The following GARS1 variants were observed in gnomAD, a reference collection of about 807,000 sequenced individuals.
GARS1 encodes the protein glycyl-tRNA synthetase 1, also known as glycine--tRNA ligase.
GARS1 carries 46 observed loss-of-function variants against 86.4 expected under a neutral mutation model. That is an observed-to-expected ratio of 0.53 (90% confidence interval 0.42 to 0.68). The LOEUF is 0.68. Among genes scored for constraint, GARS1 ranks in the 30% least tolerant of loss-of-function variants. GARS1 has a pLI of 0.00. For missense variants in GARS1, 797 were observed against 915.6 expected, an observed-to-expected ratio of 0.87 and a Z score of 1.67; for synonymous variants, 342 against 329.8, an observed-to-expected ratio of 1.04 and a Z score of -0.40.
Position 30,622,462 on chromosome 7 carries a change from G to A in GARS1, c.1613G>A (p.Gly538Glu). 1 of 1,614,010 alleles carries A rather than the reference G, an allele frequency of 6.2e-7. No homozygotes were observed. Among genetic ancestry groups the A allele is most frequent in the Non-Finnish European group, 8.5e-7 (1 of 1,179,952 alleles). Residue 538 changes from glycine (G) to glutamate (E), a missense_variant and splice_region_variant, in exon 12 of 17, where the codon GGG becomes GAG. Physicochemically the swap from Gly to Glu is moderately conservative, Grantham distance 98. Transcript: ENST00000389266. ...ATGGAGATGCTGCTGAATGAGAAAGGGTAAGATATCAGATGTTTACTCTTC... is the reference window on the plus strand; with the variant it reads ...ATGGAGATGCTGCTGAATGAGAAAGAGTAAGATATCAGATGTTTACTCTTC... ...TEMEMLLNEKGEFTIETEGKT... is the reference protein window; with the variant it reads ...TEMEMLLNEKEEFTIETEGKT...
At chr7:30,607,957 T>C (rs896887015) in intron 6 of GARS1, among the ~76,000 whole-genome samples, 1 of 152,198 alleles carries the variant, frequency 6.6e-6, no homozygotes, top group Non-Finnish European at 1.5e-5. Flanking sequence ...TTTTCTCCAT[T>C]GTGGTTTTCT....
chr7:30,594,970 C>G lies in GARS1; in HGVS notation c.49C>G (p.Leu17Val). The G allele has an allele frequency of 6.3e-7, 1 of 1,594,988 alleles. No homozygotes were observed. The highest frequency in any genetic ancestry group is 8.5e-7 in the Non-Finnish European group (1 of 1,178,092). Residue 17 changes from leucine (L) to valine (V), a missense_variant, in exon 1 of 17, where the codon CTG (leucine) becomes GTG (valine). This residue lies in a region of GARS1 where 199 missense variants were observed against 176.9 expected (regional missense o/e 1.12). Coordinates refer to ENST00000389266, the MANE Select transcript of GARS1 (RefSeq NM_002047.4). ...VLLRGARAAL[L>V]LLLPPRLLAR... ...GCTTAGAGGTGCTCGCGCCGCTCTG[C>G]TGCTGCTGCTGCCGCCCCGGCTCTT...
intron 10 of GARS1, among the ~76,000 whole-genome samples, chr7:30,619,406 T>A (rs1026896819): frequency 3.9e-5 from 6 of 152,268 alleles, no homozygotes; most frequent in Non-Finnish European, 7.4e-5. Context: ...AATAAAAAAA[T>A]TTACCGTTGC....
chr7:30,616,965 A>G (rs1782900392), intron 9 of GARS1, 149 bp from the exon 10 acceptor site: 11 of 760,772 alleles, frequency 1.4e-5, no homozygotes, highest in Non-Finnish European at 2.3e-5. Context: ...GAGTATTTGA[A>G]ATTGTTTTGA....
intron 10 of GARS1, among the ~76,000 whole-genome samples, chr7:30,620,808 A>C (rs1703078176): frequency 6.6e-6 from 1 of 152,220 alleles, no homozygotes; most frequent in African/African-American, 2.4e-5. Flanking sequence ...TTAGTCAGCC[A>C]TCTGATATCA....
chr7:30,595,965 G>A (rs1453507917), intron 1 of GARS1: 2 of 467,208 alleles, frequency 4.3e-6, no homozygotes, highest in East Asian at 1.4e-4. Context: ...TGAAGGACTT[G>A]GTGATTTAAT....
chr7:30,627,082 A>G, intron 13 of GARS1: 1 of 466,590 alleles, frequency 2.1e-6, no homozygotes, highest in Non-Finnish European at 4.4e-6. Context: ...TTAGGCAATG[A>G]GTAATTTGGA....
At chr7:30,622,510 C>T (rs761315520) in intron 12 of GARS1, 48 bp downstream of exon 12, 13 of 1,605,384 alleles carry the variant, frequency 8.1e-6, no homozygotes, top group Non-Finnish European at 1.1e-5. Context: ...TCAGTTGTGT[C>T]ATCTGCCAGG....
chr7:30,631,241 C>G, intron 14 of GARS1: 1 of 465,236 alleles, frequency 2.1e-6, no homozygotes, highest in Non-Finnish European at 3.9e-6. Context: ...ATGACTTGGC[C>G]TAAATTCGGA....
At chr7:30,606,177 A>G (rs1295578419) in intron 6 of GARS1, among the ~76,000 whole-genome samples, 7 of 152,026 alleles carry the variant, frequency 4.6e-5, no homozygotes. Context: ...AAGTGGTGTT[A>G]TGGACTTCTG....
chr7:30,609,541 T>C (rs1422194493), intron 6 of GARS1, 44 bp from the exon 7 acceptor site: 3 of 1,546,902 alleles, frequency 1.9e-6, no homozygotes, highest in Non-Finnish European at 2.7e-6. Context: ...TCTTATGCCT[T>C]GTTTTCTCTG....
chr7:30,631,765 G>A (rs1392058323), intron 15 of GARS1, among the ~76,000 whole-genome samples: 1 of 152,214 alleles, frequency 6.6e-6, no homozygotes, highest in Non-Finnish European at 1.5e-5. Context: ...GGACCCAAGA[G>A]TCAGATTTAA....
intron 2 of GARS1, 80 bp from the exon 3 acceptor site, chr7:30,599,867 G>T (rs947978217): frequency 2.2e-6 from 2 of 896,572 alleles, no homozygotes; most frequent in Admixed American, 2.1e-5. Flanking sequence ...TTCTGGTGAG[G>T]AATAAACTAA....
intron 10 of GARS1, among the ~76,000 whole-genome samples, chr7:30,619,249 T>C (rs1690222196): frequency 6.6e-6 from 1 of 152,172 alleles, no homozygotes; most frequent in African/African-American, 2.4e-5. Flanking sequence ...TAAGTGCCAT[T>C]GTGAGGGTTA....
intron 4 of GARS1, among the ~76,000 whole-genome samples, chr7:30,602,380 AAG>A (rs1325336654): frequency 4.6e-5 from 7 of 152,176 alleles, no homozygotes; most frequent in African/African-American, 1.7e-4. Context: ...CCCGGCCTGA[AAG>A]AGGAATTCTT....
rs1210883425 is a variant in GARS1 at position 30,631,370 on chromosome 7, C to T, written c.1810-78C>T. 2.0e-5 allele frequency: 22 copies of T among 1,106,402 alleles called. 1 individual carries two copies. In the South Asian group the frequency reaches 2.5e-4, roughly 12 times the overall value. The allele number at this position is 1,106,402 out of a possible 1,614,324, so 68.5% of individuals were successfully genotyped here. On this transcript the variant is annotated intron_variant, in intron 14 of 16. Transcript: ENST00000389266. ...GCTTGAACACTTGCTGAATATTAAC[C>T]TCTTTTGGTTTGGGATATTAGCATT...
chr7:30,613,822 G>A (rs1782830807), intron 8 of GARS1, among the ~76,000 whole-genome samples: 1 of 152,198 alleles, frequency 6.6e-6, no homozygotes, highest in Non-Finnish European at 1.5e-5. Flanking sequence ...GTAGGACTAG[G>A]ATTGGTTTAT....
intron 3 of GARS1, among the ~76,000 whole-genome samples, 183 bp from the exon 4 acceptor site, chr7:30,600,876 T>A (rs986336172): frequency 6.6e-6 from 1 of 152,042 alleles, no homozygotes; most frequent in Admixed American, 6.5e-5. Context: ...GTAAATGGCG[T>A]AAGAGCTTTT....
chr7:30,603,670 C>A, intron 6 of GARS1, 98 bp downstream of exon 6: 1 of 869,090 alleles, frequency 1.2e-6, no homozygotes, highest in Non-Finnish European at 1.9e-6. Context: ...CTGACCCTGG[C>A]CACATTGTAA....
Sources: allele counts gnomAD v4.1 joint callset (sites outside exome capture counted in the v4.1 genomes callset), GRCh38; gene constraint gnomAD v4.1.1; regional missense constraint gnomAD v4.1.1; transcripts MANE v1.5; gene names NCBI Gene and HGNC (gene_info 2026-07-23, HGNC 2026-07-21).